The following STRBP variants were observed in gnomAD, a reference collection of about 807,000 sequenced individuals.
STRBP encodes spermatid perinuclear RNA binding protein.
STRBP carries 13 observed loss-of-function variants against 80.1 expected under a neutral mutation model. The ratio of observed to expected loss-of-function variants is 0.16; its 90% CI spans 0.11 to 0.26. The LOEUF (loss-of-function observed/expected upper bound fraction) is 0.26. Among genes scored for constraint, STRBP ranks in the 10% least tolerant of loss-of-function variants. The probability of loss-of-function intolerance (pLI) is 1.00; values close to 1 mark genes in which losing one functional copy is unlikely to be tolerated. For missense variants in STRBP, 485 were observed against 815.2 expected (o/e 0.59, Z 4.93); for synonymous variants, 284 against 291.2 (o/e 0.98, Z 0.25).
intron 1 of STRBP, among the ~76,000 whole-genome samples, chr9:123,265,408 T>C (rs889488705): frequency 6.6e-6 from 1 of 152,196 alleles, no homozygotes; most frequent in Admixed American, 6.5e-5. Context: ...TTATTTGAAA[T>C]CATACTAGGT....
chr9:123,197,482 G>A (rs2132499519), intron 2 of STRBP, among the ~76,000 whole-genome samples: 2 of 151,876 alleles, frequency 1.3e-5, no homozygotes, highest in East Asian at 1.9e-4. Context: ...GTAGTTTTTT[G>A]TTAATCCCAG....
chr9:123,168,414 C>T (rs780669928), intron 6 of STRBP, among the ~76,000 whole-genome samples: 3 of 152,138 alleles, frequency 2.0e-5, no homozygotes, highest in Non-Finnish European at 2.9e-5. Context: ...TGGTTTATAT[C>T]TGTTGAGTTA....
At chr9:123,267,872 T>A (rs2041307701) in intron 1 of STRBP, among the ~76,000 whole-genome samples, 1 of 109,062 alleles carries the variant, frequency 9.2e-6, no homozygotes, top group African/African-American at 3.6e-5. Flanking sequence ...CACAATATAG[T>A]GCCCCCCCCC....
intron 1 of STRBP, among the ~76,000 whole-genome samples, chr9:123,266,819 C>T (rs1049299848): frequency 6.6e-6 from 1 of 151,950 alleles, no homozygotes; most frequent in Non-Finnish European, 1.5e-5. Context: ...ATTAAGCATT[C>T]TTCTACATCC....
In STRBP at chr9:123,136,312, T is replaced by C. The variant is rs974895709; in HGVS notation, c.1632+69A>G. The C allele has an allele frequency of 2.5e-6, 4 of 1,599,660 alleles. No individual in the cohort carries two copies. The African/African-American group carries it at 5.4e-5, about 22-fold the overall frequency. On this transcript the variant is annotated intron_variant, in intron 15 of 18. Transcript: ENST00000348403. The surrounding 1 kb of genome is among the most constrained non-coding windows in gnomAD (Gnocchi z 4.2). ...CAAGAACTGACTCAGTCTAAAACTT[T>C]ACATTAAGTTCAGGATATCCTATGT...
downstream of STRBP, among the ~76,000 whole-genome samples, chr9:123,118,819 G>A (rs1467602777): frequency 6.6e-6 from 1 of 152,196 alleles, no homozygotes; most frequent in Non-Finnish European, 1.5e-5. Context: ...AGCCAAGGAT[G>A]CATCTGACCA....
chr9:123,259,314 G>A (rs752431639), intron 1 of STRBP, among the ~76,000 whole-genome samples: 1 of 152,190 alleles, frequency 6.6e-6, no homozygotes. Flanking sequence ...CGGGGAAGAG[G>A]AGACAGGGTA....
chr9:123,166,760 A>G (rs1044863605), intron 6 of STRBP, among the ~76,000 whole-genome samples: 10 of 4,414 alleles, frequency 2.3e-3, no homozygotes, highest in African/African-American at 7.7e-3. Context: ...TCCAGCAACA[A>G]CAACAACAAC....
In STRBP at chr9:123,173,149, G is replaced by A. The variant is rs111865396; in HGVS notation, c.390+528C>T. Among the ~76,000 whole-genome samples, 536 of 152,256 alleles carry A rather than the reference G, an allele frequency of 3.5e-3. 1 individual carries two copies. The highest frequency in any genetic ancestry group is 0.012 in the African/African-American group (485 of 41,574). On this transcript the variant is annotated intron_variant, in intron 5 of 18. Coordinates refer to ENST00000348403, the MANE Select transcript of STRBP (RefSeq NM_018387.5). ...GCAGCATCCTCCAGGGAACATGCCA[G>A]CATCATATTTTTCTAAATGCATCCC...
intron 14 of STRBP, among the ~76,000 whole-genome samples, chr9:123,137,479 G>A (rs1025141965): frequency 1.2e-4 from 18 of 152,092 alleles, no homozygotes; most frequent in African/African-American, 4.1e-4. Context: ...GTGCAATCTC[G>A]GCTCACTGCA....
At chr9:123,139,158 A>G (rs1564226488) in intron 14 of STRBP, among the ~76,000 whole-genome samples, 2 of 152,098 alleles carry the variant, frequency 1.3e-5, no homozygotes, top group Admixed American at 6.5e-5. Flanking sequence ...CCTCCTCTAC[A>G]TCTTGTAGTT....
intron 17 of STRBP, 106 bp from the exon 18 acceptor site, chr9:123,128,364 T>A: frequency 4.0e-6 from 5 of 1,252,344 alleles, no homozygotes; most frequent in Non-Finnish European, 5.8e-6. Flanking sequence ...GGAGGACTTC[T>A]TCCAGATGTT....
intron 2 of STRBP, among the ~76,000 whole-genome samples, chr9:123,203,054 C>T (rs575328746): frequency 2.8e-4 from 42 of 152,188 alleles, no homozygotes; most frequent in Non-Finnish European, 5.7e-4. Flanking sequence ...CAGAGTATTC[C>T]TGCTAATCTA....
chr9:123,232,290 GAC>G (rs2089376107), intron 2 of STRBP, among the ~76,000 whole-genome samples: 2 of 152,122 alleles, frequency 1.3e-5, no homozygotes, highest in African/African-American at 2.4e-5. Flanking sequence ...CAGCCTGGGT[GAC>G]AGAGTAAGAC....
At chr9:123,244,691 C>T (rs2132615021) in intron 1 of STRBP, among the ~76,000 whole-genome samples, 1 of 152,310 alleles carries the variant, frequency 6.6e-6, no homozygotes, top group Non-Finnish European at 1.5e-5. Flanking sequence ...CTGGATCACA[C>T]ATACACTGCT....
At chr9:123,252,924 C>A (rs1317161710) in intron 1 of STRBP, among the ~76,000 whole-genome samples, 1 of 152,128 alleles carries the variant, frequency 6.6e-6, no homozygotes, top group Non-Finnish European at 1.5e-5. Context: ...TTACTAGGGG[C>A]TTTCAAAGGA....
intron 2 of STRBP, among the ~76,000 whole-genome samples, chr9:123,216,395 T>C (rs950910072): frequency 2.0e-5 from 3 of 152,236 alleles, no homozygotes; most frequent in Non-Finnish European, 2.9e-5. Flanking sequence ...AAATGATTGA[T>C]GACTCAATTA....
Position 123,112,745 on chromosome 9 carries a change from C to T in STRBP, c.*85-2992G>A, listed in dbSNP as rs117031902. On this transcript the variant is annotated intron_variant and NMD_transcript_variant, in intron 3 of 3. Coordinates refer to the STRBP transcript ENST00000471564. ...CTTAGTAGCTGGCAGCCTCTGGAGACGAGAGGCCAGCACCTCTGCTTCTCT... is the reference window on the plus strand; with the variant it reads ...CTTAGTAGCTGGCAGCCTCTGGAGATGAGAGGCCAGCACCTCTGCTTCTCT... 22 of 167,290 alleles carry T rather than the reference C, an allele frequency of 1.3e-4. No homozygotes were observed. In the East Asian group the frequency reaches 1.4e-3, roughly 10 times the overall value. The allele number at this position is 167,290 out of a possible 1,614,324, so 10.4% of individuals were successfully genotyped here.
intron 11 of STRBP, among the ~76,000 whole-genome samples, chr9:123,149,191 A>C (rs2036949800): frequency 6.6e-6 from 1 of 152,212 alleles, no homozygotes; most frequent in Non-Finnish European, 1.5e-5. Context: ...TTTTCTGATC[A>C]AGATTTATTG....
Sources: gnomAD v4.1 joint callset for allele counts (sites outside exome capture counted in the v4.1 genomes callset) on GRCh38, gnomAD v4.1.1 for gene constraint, Gnocchi (gnomAD v3.1) non-coding constraint, MANE v1.5 for transcripts, NCBI Gene and HGNC (gene_info 2026-07-23, HGNC 2026-07-21) for gene names.